The following TFDP2 variants were observed in gnomAD, a reference collection of about 807,000 sequenced individuals.
TFDP2 encodes transcription factor Dp-2, also known as transcription factor Dp-2 (E2F dimerization partner 2).
In TFDP2, 17 loss-of-function variants were observed where a neutral mutation model predicts 59.3. That is an observed-to-expected ratio of 0.29 (90% confidence interval 0.20 to 0.43). TFDP2 has a LOEUF of 0.43. TFDP2 is among the 20% of genes least tolerant of loss of function. The pLI is 1.00. For synonymous variants in TFDP2, 180 were observed against 194.7 expected, an observed-to-expected ratio of 0.92 and a Z score of 0.63; for missense variants, 391 against 528.8, an observed-to-expected ratio of 0.74 and a Z score of 2.56.
intron 3 of TFDP2, among the ~76,000 whole-genome samples, chr3:142,018,929 G>GTGT: frequency 8.0e-6 from 1 of 125,202 alleles, no homozygotes. Flanking sequence ...TTTTTGGTGA[G>GTGT]TTTTTTTTTT....
At chr3:142,026,320 A>T (rs1401188283) in intron 3 of TFDP2, among the ~76,000 whole-genome samples, 1 of 148,034 alleles carries the variant, frequency 6.8e-6, no homozygotes, top group Non-Finnish European at 1.5e-5. Flanking sequence ...TCAAAAAAAC[A>T]AAAAAACAAC....
At chr3:142,066,758 C>A (rs1194503226) in intron 3 of TFDP2, among the ~76,000 whole-genome samples, 1 of 152,108 alleles carries the variant, frequency 6.6e-6, no homozygotes, top group Non-Finnish European at 1.5e-5. Flanking sequence ...AAAAATAATA[C>A]AAAACAGGAT....
At chr3:142,082,273 A>C (rs541078185) in intron 3 of TFDP2, among the ~76,000 whole-genome samples, 2 of 152,182 alleles carry the variant, frequency 1.3e-5, no homozygotes, top group Non-Finnish European at 2.9e-5. Flanking sequence ...TTGCAGGAAA[A>C]CAAGCTCAGG....
chr3:141,946,184 G>A lies in TFDP2; in HGVS notation c.*6329C>T, dbSNP rs937296535. The A allele has an allele frequency of 1.3e-5, 2 of 152,278 alleles. No individual in the cohort carries two copies. Among genetic ancestry groups the A allele is most frequent in the African/African-American group, 4.8e-5 (2 of 41,462 alleles). 9.4% of individuals were successfully genotyped at this position (152,278 alleles called of 1,614,324 possible). A position where few individuals can be genotyped will look rare whatever the true frequency, so the allele number is the denominator to read the frequency against. On this transcript the variant is annotated 3_prime_UTR_variant, in exon 13 of 13. Transcript: ENST00000489671. ...TCTGCCACAGACAGGCTGAGGGATG[G>A]GAGGCAAGTCAAGCTCTTGCTTGTT...
At chr3:141,962,477 G>A (rs1937486526) in intron 10 of TFDP2, among the ~76,000 whole-genome samples, 1 of 152,016 alleles carries the variant, frequency 6.6e-6, no homozygotes, top group South Asian at 2.1e-4. Flanking sequence ...TCCTGCCTTG[G>A]CCTCCCTAGT....
intron 3 of TFDP2, among the ~76,000 whole-genome samples, chr3:142,087,417 C>T (rs2060836836): frequency 6.6e-6 from 1 of 152,048 alleles, no homozygotes; most frequent in Admixed American, 6.6e-5. Flanking sequence ...TCTTATGGGA[C>T]CACCACTGGA....
chr3:141,973,123 A>ATATTTTTTTTTTTT, intron 8 of TFDP2, among the ~76,000 whole-genome samples: 1 of 58,030 alleles, frequency 1.7e-5, no homozygotes, highest in Non-Finnish European at 3.7e-5. Context: ...ATATATATAT[A>ATATTTTTTTTTTTT]TTTTTTTTTT....
chr3:141,975,299 A>G (rs1940461783), intron 7 of TFDP2, among the ~76,000 whole-genome samples: 1 of 152,170 alleles, frequency 6.6e-6, no homozygotes, highest in African/African-American at 2.4e-5. Flanking sequence ...AAATGCAACG[A>G]TAATAAAGGA....
chr3:142,083,612 A>C (rs184558897), intron 3 of TFDP2, among the ~76,000 whole-genome samples: 1 of 152,274 alleles, frequency 6.6e-6, no homozygotes, highest in Non-Finnish European at 1.5e-5. Flanking sequence ...TACACTACAG[A>C]GCTATAGTAA....
intron 3 of TFDP2, among the ~76,000 whole-genome samples, chr3:142,043,466 C>T (rs190842516): frequency 2.6e-5 from 4 of 151,720 alleles, no homozygotes; most frequent in Admixed American, 2.0e-4. Context: ...TGGGTTCAAG[C>T]GATTCTCCTG....
At chr3:142,097,686 A>G (rs1014777911) in intron 2 of TFDP2, among the ~76,000 whole-genome samples, 1 of 152,150 alleles carries the variant, frequency 6.6e-6, no homozygotes, top group Non-Finnish European at 1.5e-5. Context: ...CCCTGTCCCA[A>G]ACTAAACTAA....
chr3:142,127,303 C>CTTTTT (rs769181436), intron 1 of TFDP2, among the ~76,000 whole-genome samples: 9 of 108,322 alleles, frequency 8.3e-5, no homozygotes, highest in Non-Finnish European at 1.2e-4. Context: ...CTACACTCCG[C>CTTTTT]TTTTTTTTTT....
intron 1 of TFDP2, among the ~76,000 whole-genome samples, chr3:142,105,595 C>T (rs546880574): frequency 9.2e-5 from 14 of 152,250 alleles, no homozygotes; most frequent in Admixed American, 7.8e-4. Flanking sequence ...ATGAGGGTCA[C>T]TGTGTTATTC....
chr3:141,993,756 C>G lies in TFDP2; in HGVS notation c.309-171G>C, dbSNP rs11569211. Among the ~76,000 whole-genome samples, 17 of 152,144 alleles carry G rather than the reference C, an allele frequency of 1.1e-4. No individual in the cohort carries two copies. The East Asian group carries it at 2.9e-3, about 26-fold the overall frequency. On this transcript the variant is annotated intron_variant, in intron 5 of 12. Transcript: ENST00000489671. The stretch of plus-strand genomic sequence containing the variant: ...ATAAATCTTAATTTTATCATGTGAA[C>G]AAGGTATCACAACTTAATAATCATA...
At chr3:141,992,447 A>G (rs959914514) in intron 6 of TFDP2, among the ~76,000 whole-genome samples, 4 of 152,224 alleles carry the variant, frequency 2.6e-5, no homozygotes, top group Admixed American at 1.3e-4. Flanking sequence ...TTTGCAGTGC[A>G]GAGGTGCCAC....
In TFDP2 at chr3:141,957,706, T is replaced by A. The variant is rs191330587; in HGVS notation, c.1051+1968A>T. On this transcript the variant is annotated intron_variant, in intron 11 of 12. Transcript: ENST00000489671. The stretch of plus-strand genomic sequence containing the variant: ...AAACACTACACTAAGTGAAAGAAGC[T>A]ATCCACAAAATGCCCCATGCTGTAG... 2.6e-5 allele frequency among the ~76,000 whole-genome samples: 4 copies of A among 152,304 alleles called. No homozygotes were observed. In the East Asian group the frequency reaches 7.7e-4, roughly 29 times the overall value.
At chr3:142,025,563 G>C (rs1946010244) in intron 3 of TFDP2, among the ~76,000 whole-genome samples, 1 of 152,136 alleles carries the variant, frequency 6.6e-6, no homozygotes, top group African/African-American at 2.4e-5. Flanking sequence ...ATTACATGTG[G>C]AGTGACCAAC....
intron 3 of TFDP2, among the ~76,000 whole-genome samples, chr3:142,050,256 T>C (rs1187673329): frequency 7.1e-6 from 1 of 140,912 alleles, no homozygotes; most frequent in Non-Finnish European, 1.6e-5. Flanking sequence ...AGAGCAAGAC[T>C]TCATCTCAAA....
At chr3:142,056,833 G>C (rs546452436) in intron 3 of TFDP2, among the ~76,000 whole-genome samples, 2 of 152,188 alleles carry the variant, frequency 1.3e-5, no homozygotes, top group South Asian at 4.1e-4. Context: ...TCCAGCCCTA[G>C]TCCAGCCTGC....
Sources: gnomAD v4.1 joint callset for allele counts (sites outside exome capture counted in the v4.1 genomes callset) on GRCh38, gnomAD v4.1.1 for gene constraint, MANE v1.5 for transcripts, NCBI Gene and HGNC (gene_info 2026-07-23, HGNC 2026-07-21) for gene names.